The following AKNAD1 variants were observed in gnomAD, a reference collection of about 807,000 sequenced individuals.
AKNAD1 encodes the protein AKNA domain containing 1, also known as protein AKNAD1.
Under a neutral mutation model 90.8 loss-of-function variants are expected in AKNAD1, and 67 were observed. The observed-to-expected ratio is 0.74, with a 90% confidence interval of 0.61 to 0.90. The LOEUF is 0.90. AKNAD1 is among the 40% of genes least tolerant of loss of function. AKNAD1 has a pLI of 0.00. For synonymous variants in AKNAD1, 327 were observed against 341.4 expected, an observed-to-expected ratio of 0.96 and a Z score of 0.46; for missense variants, 957 against 975.4, an observed-to-expected ratio of 0.98 and a Z score of 0.25.
chr1:108,857,127 C>G (rs1363131705), upstream of AKNAD1: 1 of 152,218 alleles, frequency 6.6e-6, no homozygotes, highest in African/African-American at 2.4e-5. Context: ...GCTTATGCAG[C>G]TATCTTGACC....
At chr1:108,820,681 G>C in intron 13 of AKNAD1, 55 bp from the exon 14 acceptor site, 2 of 987,460 alleles carry the variant, frequency 2.0e-6, no homozygotes, top group South Asian at 2.7e-5. Context: ...GCCCCAAATG[G>C]TGCCTATGTA....
intron 9 of AKNAD1, 57 bp downstream of exon 9, chr1:108,834,390 T>C (rs1163192307): frequency 1.4e-6 from 2 of 1,418,898 alleles, no homozygotes; most frequent in Non-Finnish European, 1.9e-6. Flanking sequence ...ACACTGGTTT[T>C]AGTTAAAGAG....
At chr1:108,828,103 CAAA>C (rs1557828101) in intron 10 of AKNAD1, among the ~76,000 whole-genome samples, 15 of 151,380 alleles carry the variant, frequency 9.9e-5, no homozygotes, top group African/African-American at 3.6e-4. Flanking sequence ...AACAAACAAA[CAAA>C]CAAACAAACA....
intron 13 of AKNAD1, among the ~76,000 whole-genome samples, chr1:108,822,813 T>G (rs916275639): frequency 2.0e-5 from 3 of 152,174 alleles, no homozygotes; most frequent in Non-Finnish European, 2.9e-5. Flanking sequence ...TGCTTTGAGC[T>G]CTCCTTATTT....
At position 108,827,212 on chromosome 1, in the gene AKNAD1, T is replaced by C. The variant is rs1664026490; in HGVS notation, c.1929A>G (p.Ser643=). 1 of 1,610,192 alleles carries C rather than the reference T, an allele frequency of 6.2e-7. No homozygotes were observed. Among genetic ancestry groups the C allele is most frequent in the South Asian group, 1.1e-5 (1 of 90,714 alleles). The part of the protein sequence containing the change: ...VLHEKAPHSD[S]TPNSDTGHSF... ...CCAAGCCCATCAACTTACTGGGAGT[T>C]GAATCTGAGTGTGGTGCCTTTTCAT... The change falls in exon 11 of 16, where the codon TCA becomes TCG. Residue 643 remains serine, a synonymous_variant. Transcript: ENST00000370001.
rs7519098 is a variant in AKNAD1, at chr1:108,856,720, A to T, written c.-104+209T>A. On this transcript the variant is annotated intron_variant, in intron 1 of 15. Coordinates refer to ENST00000370001, the MANE Select transcript of AKNAD1 (RefSeq NM_152763.5). The stretch of plus-strand genomic sequence containing the variant: ...GACCCTGTCTCTCTCTCTCTCTCTC[A>T]CACACACATAAACACACACACACAA... Among the ~76,000 whole-genome samples the T allele has an allele frequency of 0.28, 36,561 of 130,834 alleles. 5,284 individuals are homozygous for T. Among genetic ancestry groups the T allele is most frequent in the African/African-American group, 0.48 (17,157 of 35,794 alleles). The allele number at this position is 130,834 out of a possible 152,430, so 85.8% of individuals were successfully genotyped here. A position where few individuals can be genotyped will look rare whatever the true frequency, so the allele number is the denominator to read the frequency against.
chr1:108,825,088 C>T (rs11102499), intron 11 of AKNAD1, among the ~76,000 whole-genome samples: 69,906 of 150,792 alleles, frequency 0.46, 17,049 homozygotes, highest in Non-Finnish European at 0.52. Context: ...TGTCAGGGAA[C>T]TGAGACCTCC....
intron 1 of AKNAD1, among the ~76,000 whole-genome samples, chr1:108,855,668 C>T (rs913535697): frequency 6.6e-6 from 1 of 151,494 alleles, no homozygotes; most frequent in African/African-American, 2.4e-5. Flanking sequence ...TCCCTATAGT[C>T]CCAGCTACTT....
At chr1:108,816,335 A>G (rs1355888032) in intron 15 of AKNAD1, 33 bp from the exon 16 acceptor site, 3 of 1,595,022 alleles carry the variant, frequency 1.9e-6, no homozygotes, top group Non-Finnish European at 2.6e-6. Context: ...TTTTAATTAC[A>G]TAAACTAACT....
intron 1 of AKNAD1, among the ~76,000 whole-genome samples, 186 bp downstream of exon 1, chr1:108,856,743 C>G (rs940400888): frequency 6.6e-6 from 1 of 151,586 alleles, no homozygotes; most frequent in African/African-American, 2.4e-5. Context: ...CACACACACA[C>G]AAACACACAC....
At chr1:108,840,320 G>C (rs1664513092) in intron 6 of AKNAD1, among the ~76,000 whole-genome samples, 1 of 152,144 alleles carries the variant, frequency 6.6e-6, no homozygotes. Context: ...ACATCAATTA[G>C]AGAAAACATC....
Position 108,843,153 on chromosome 1 carries a change from C to T in AKNAD1, c.1360G>A (p.Gly454Ser), listed in dbSNP as rs1435027453. ...QVHKHESTIV[G>S]DFDPERKVEG... ...TCTGACCTTTCTGGATCAAAGTCAC[C>T]AACGATTGTTGATTCGTGCTTGTGG... The change falls in exon 6 of 16, where the codon GGT (glycine) becomes AGT (serine). Residue 454 changes from glycine to serine, a missense_variant. Transcript: ENST00000370001. 6.2e-7 allele frequency: 1 copy of T among 1,614,044 alleles called. No homozygotes were observed. Among genetic ancestry groups the T allele is most frequent in the African/African-American group, 1.3e-5 (1 of 75,044 alleles).
chr1:108,855,080 T>C (rs1664991073), intron 1 of AKNAD1, among the ~76,000 whole-genome samples: 1 of 152,084 alleles, frequency 6.6e-6, no homozygotes, highest in South Asian at 2.1e-4. Flanking sequence ...TCCTTATCCG[T>C]GGGGATATTT....
At chr1:108,846,904 C>T (rs1664720167) in intron 5 of AKNAD1, among the ~76,000 whole-genome samples, 1 of 152,012 alleles carries the variant, frequency 6.6e-6, no homozygotes, top group Admixed American at 6.6e-5. Flanking sequence ...AAACGGGATC[C>T]TCTACTTTTA....
intron 1 of AKNAD1, among the ~76,000 whole-genome samples, chr1:108,856,119 CT>C (rs1665031231): frequency 6.6e-6 from 1 of 151,946 alleles, no homozygotes; most frequent in South Asian, 2.1e-4. Context: ...TCCCAAAGTG[CT>C]GGGATTACAG....
intron 5 of AKNAD1, among the ~76,000 whole-genome samples, chr1:108,848,405 T>C (rs1149144): frequency 0.85 from 129,410 of 152,172 alleles, 55,298 homozygotes; most frequent in South Asian, 0.91. Flanking sequence ...AATGGCAATT[T>C]TTATAACCTG....
Position 108,848,777 on chromosome 1 carries a change from G to A in AKNAD1, c.1220C>T (p.Pro407Leu), listed in dbSNP as rs761595218. Residue 407 changes from proline (P) to leucine (L), a missense_variant, in exon 5 of 16, where the codon CCT becomes CTT. Transcript: ENST00000370001. Reference protein sequence around the residue: ...EFSKRIKQDSPYHLQDKKLVL... With the variant: ...EFSKRIKQDSLYHLQDKKLVL... ...CAGCTTCTTGTCTTGCAAATGGTAA[G>A]GAGAGTCCTGTTTTATTCTTTTGGA... 3 of 1,609,802 alleles carry A rather than the reference G, an allele frequency of 1.9e-6. No homozygotes were observed. The highest frequency in any genetic ancestry group is 2.2e-5 in the South Asian group (2 of 89,476).
intron 7 of AKNAD1, 117 bp from the exon 8 acceptor site, chr1:108,835,173 C>T (rs1664343744): frequency 1.7e-6 from 2 of 1,163,904 alleles, no homozygotes; most frequent in Non-Finnish European, 2.3e-6. Context: ...TGCCTGGCGT[C>T]CCCCCACCCC....
rs1223353591 is a variant in AKNAD1, at chr1:108,828,711, C to T, written c.1839-1409G>A. Among the ~76,000 whole-genome samples the T allele has an allele frequency of 3.3e-5, 5 of 151,938 alleles. 1 individual carries two copies. In the East Asian group the frequency reaches 9.9e-4, roughly 30 times the overall value. ...AAAAACATGCTGTCCTCTTGAGTCA[C>T]ATATTTTCTCACACCTCATTTTCTG... On this transcript the variant is annotated intron_variant, in intron 10 of 15. Transcript: ENST00000370001.
Sources: allele counts gnomAD v4.1 joint callset (sites outside exome capture counted in the v4.1 genomes callset), GRCh38; gene constraint gnomAD v4.1.1; transcripts MANE v1.5; gene names NCBI Gene and HGNC (gene_info 2026-07-23, HGNC 2026-07-21).